PDE4D: variants seen among roughly 807,000 people sequenced by gnomAD.
The protein encoded by PDE4D is phosphodiesterase 4D.
Under a neutral mutation model 87.4 loss-of-function variants are expected in PDE4D, and 24 were observed. The observed-to-expected ratio is 0.27, with a 90% CI of 0.20 to 0.39. The LOEUF is 0.39. Ranked by LOEUF, PDE4D falls within the 10% of genes least tolerant of loss-of-function variation. PDE4D has a pLI of 1.00. For missense variants in PDE4D, 714 were observed against 1,041.0 expected, an observed-to-expected ratio of 0.69 and a Z score of 4.32; for synonymous variants, 384 against 383.2, an observed-to-expected ratio of 1.00 and a Z score of -0.02.
chr5:60,342,090 A>G (rs7707365), intron 1 of PDE4D, among the ~76,000 whole-genome samples: 30,857 of 152,158 alleles, frequency 0.2, 4,642 homozygotes, highest in African/African-American at 0.43. Context: ...GACACAGGAC[A>G]TGGTCAGAAC....
intron 1 of PDE4D, among the ~76,000 whole-genome samples, chr5:59,567,999 T>C (rs1318813737): frequency 6.6e-6 from 1 of 152,156 alleles, no homozygotes; most frequent in South Asian, 2.1e-4. Context: ...CCAAAAACAA[T>C]GAACACACCT....
Position 59,762,388 on chromosome 5 carries a change from A to G in PDE4D, c.455+130780T>C, listed in dbSNP as rs1319154974. Among the ~76,000 whole-genome samples the G allele has an allele frequency of 2.2e-5, 3 of 139,212 alleles. 1 individual carries two copies. Among genetic ancestry groups the G allele is most frequent in the African/African-American group, 8.4e-5 (3 of 35,678 alleles). The allele number at this position is 139,212 out of a possible 152,430, so 91.3% of individuals were successfully genotyped here. On this transcript the variant is annotated intron_variant, in intron 1 of 14. Coordinates refer to ENST00000340635, the MANE Select transcript of PDE4D (RefSeq NM_001104631.2). ...TGGGTACACATGTGTATATGTGTAT[A>G]TGGGTACACATGTGTATATGTGTAT...
chr5:59,745,468 G>T (rs1759470304), intron 1 of PDE4D, among the ~76,000 whole-genome samples: 1 of 152,156 alleles, frequency 6.6e-6, no homozygotes, highest in Non-Finnish European at 1.5e-5. Flanking sequence ...ATCTACGTTG[G>T]CAAGAGCGTC....
At chr5:60,065,694 T>C (rs1771983602) in intron 2 of PDE4D, among the ~76,000 whole-genome samples, 1 of 152,174 alleles carries the variant, frequency 6.6e-6, no homozygotes, top group Non-Finnish European at 1.5e-5. Flanking sequence ...GTGTTTGCTT[T>C]TTTGTCCTTG....
chr5:60,042,559 C>CTGG (rs962267833), intron 2 of PDE4D, among the ~76,000 whole-genome samples: 4 of 152,204 alleles, frequency 2.6e-5, no homozygotes, highest in African/African-American at 9.6e-5. Flanking sequence ...CAGCTGGCAT[C>CTGG]TGGTGGGTGC....
At chr5:60,110,152 A>C (rs1006091851) in intron 2 of PDE4D, among the ~76,000 whole-genome samples, 1 of 152,170 alleles carries the variant, frequency 6.6e-6, no homozygotes, top group Non-Finnish European at 1.5e-5. Context: ...ACAGTCAACA[A>C]AAACGAAAAT....
chr5:60,167,687 T>C (rs1280286674), intron 2 of PDE4D, among the ~76,000 whole-genome samples: 1 of 152,218 alleles, frequency 6.6e-6, no homozygotes, highest in African/African-American at 2.4e-5. Flanking sequence ...TTTTTCTGTT[T>C]CTCATTGTGG....
intron 2 of PDE4D, among the ~76,000 whole-genome samples, chr5:60,170,202 T>C (rs940275746): frequency 6.6e-6 from 1 of 152,058 alleles, no homozygotes; most frequent in Non-Finnish European, 1.5e-5. Context: ...GGTACTGTGT[T>C]AGACACTTTA....
intron 2 of PDE4D, among the ~76,000 whole-genome samples, chr5:60,047,367 T>G (rs2152874994): frequency 6.6e-6 from 1 of 152,324 alleles, no homozygotes; most frequent in South Asian, 2.1e-4. Context: ...CACTATTTCC[T>G]TCAGTTCTGC....
chr5:59,504,112 T>C (rs1486409056), intron 1 of PDE4D, among the ~76,000 whole-genome samples: 2 of 151,522 alleles, frequency 1.3e-5, no homozygotes, highest in African/African-American at 4.8e-5. Context: ...ATGCAATCAA[T>C]AAATGTAATA....
chr5:59,633,206 A>C (rs1831794513), intron 1 of PDE4D, among the ~76,000 whole-genome samples: 1 of 152,214 alleles, frequency 6.6e-6, no homozygotes, highest in African/African-American at 2.4e-5. Context: ...ATGAAAAGGA[A>C]TGAAAAAAGC....
chr5:60,293,815 T>C (rs1297759290), intron 1 of PDE4D, among the ~76,000 whole-genome samples: 1 of 152,202 alleles, frequency 6.6e-6, no homozygotes, highest in Non-Finnish European at 1.5e-5. Context: ...TGTATAACTG[T>C]GACAAAATTT....
At chr5:59,935,727 C>T (rs1264659734) in intron 3 of PDE4D, among the ~76,000 whole-genome samples, 2 of 152,172 alleles carry the variant, frequency 1.3e-5, no homozygotes, top group African/African-American at 4.8e-5. Context: ...GATTTAGCAT[C>T]GTTTAGGAGC....
chr5:59,427,300 C>T (rs1354845300), intron 1 of PDE4D, among the ~76,000 whole-genome samples: 5 of 135,016 alleles, frequency 3.7e-5, no homozygotes, highest in Admixed American at 7.2e-5. Context: ...TATACACACA[C>T]ACACACACAC....
At chr5:60,224,405 C>T (rs1744852503) in intron 1 of PDE4D, among the ~76,000 whole-genome samples, 1 of 152,028 alleles carries the variant, frequency 6.6e-6, no homozygotes, top group Admixed American at 6.6e-5. Flanking sequence ...GTTCATGCCC[C>T]ACGGGTCATA....
chr5:59,690,886 A>C (rs921043349), intron 1 of PDE4D, among the ~76,000 whole-genome samples: 8 of 152,198 alleles, frequency 5.3e-5, no homozygotes, highest in African/African-American at 1.9e-4. Context: ...AAAATCAAAC[A>C]ACCACATCAA....
Position 59,573,969 on chromosome 5 carries a change from G to C in PDE4D, c.455+319199C>G, listed in dbSNP as rs1313708171. 8.4e-5 allele frequency among the ~76,000 whole-genome samples: 11 copies of C among 130,704 alleles called. No homozygotes were observed. The Admixed American group carries it at 9.0e-4, about 11-fold the overall frequency. 85.7% of individuals were successfully genotyped at this position (130,704 alleles called of 152,430 possible). On this transcript the variant is annotated intron_variant, in intron 1 of 14. Transcript: ENST00000340635. ...GATGACATCACACCACTGCACTCCA[G>C]CCTGGACAACAAAGGGAGACTCTGT...
chr5:60,473,988 T>G (rs1202452015), intron 1 of PDE4D, among the ~76,000 whole-genome samples: 2 of 150,318 alleles, frequency 1.3e-5, no homozygotes, highest in Non-Finnish European at 3.0e-5. Flanking sequence ...AAGGCCTAAT[T>G]TGAATCCTAT....
chr5:60,199,587 G>A (rs1741676167), intron 1 of PDE4D, among the ~76,000 whole-genome samples: 1 of 151,614 alleles, frequency 6.6e-6, no homozygotes, highest in Non-Finnish European at 1.5e-5. Context: ...CAATTTTTCA[G>A]AAGGACAATG....
Sources: allele counts gnomAD v4.1 joint callset (sites outside exome capture counted in the v4.1 genomes callset), GRCh38; gene constraint gnomAD v4.1.1; transcripts MANE v1.5; gene names NCBI Gene and HGNC (gene_info 2026-07-23, HGNC 2026-07-21).